Variants in NBN observed in about 807,000 individuals in gnomAD.
NBN encodes the protein nibrin.
Under a neutral mutation model 90.8 loss-of-function variants are expected in NBN, and 88 were observed. The ratio of observed to expected loss-of-function variants is 0.97; its 90% CI spans 0.82 to 1.16. The LOEUF (loss-of-function observed/expected upper bound fraction) is 1.16. NBN is among the 50% of genes most tolerant of loss of function. The pLI, the probability that NBN is intolerant of heterozygous loss-of-function variation, is 0.00. For synonymous variants in NBN, 328 were observed against 295.1 expected, an observed-to-expected ratio of 1.11 and a Z score of -1.14; for missense variants, 894 against 869.6, an observed-to-expected ratio of 1.03 and a Z score of -0.35.
chr8:89,984,632 G>A lies in NBN; in HGVS notation c.-71C>T, dbSNP rs566338801. ...GGGGCTGCTAGACGAGCGCGGATAC[G>A]GCGCCTGCGGTCGGCATGGGCTCCG... On this transcript the variant is annotated 5_prime_UTR_variant, in exon 1 of 16. Transcript: ENST00000265433. 4 of 1,591,864 alleles carry A rather than the reference G, an allele frequency of 2.5e-6. No homozygotes were observed. In the African/African-American group the frequency reaches 5.4e-5, roughly 21 times the overall value.
chr8:89,959,596 TA>T (rs1028767400), intron 8 of NBN, among the ~76,000 whole-genome samples: 1 of 151,314 alleles, frequency 6.6e-6, no homozygotes, highest in Non-Finnish European at 1.5e-5. Flanking sequence ...CTACAAAAAT[TA>T]AAAAAAACTT....
chr8:89,947,980 T>A, intron 11 of NBN, 88 bp from the exon 12 acceptor site: 1 of 756,446 alleles, frequency 1.3e-6, no homozygotes, highest in Non-Finnish European at 2.2e-6. Flanking sequence ...TAAGATGAAG[T>A]GTAAAATGGT....
intron 12 of NBN, 43 bp from the exon 13 acceptor site, chr8:89,946,338 A>T: frequency 2.0e-6 from 3 of 1,512,216 alleles, no homozygotes; most frequent in Non-Finnish European, 2.7e-6. Context: ...GAGAAGAAAT[A>T]ACAAAGAAAA....
Position 89,934,948 on chromosome 8 carries a change from A to G in NBN, c.*634T>C, listed in dbSNP as rs1373978677. 4.3e-6 allele frequency: 1 copy of G among 232,888 alleles called. No homozygotes were observed. Among genetic ancestry groups the G allele is most frequent in the Non-Finnish European group, 8.5e-6 (1 of 117,890 alleles). 14.4% of individuals were successfully genotyped at this position (232,888 alleles called of 1,614,324 possible). A position where few individuals can be genotyped will look rare whatever the true frequency, so the allele number is the denominator to read the frequency against. Reference sequence around the variant, plus strand: ...TAAACCCATGTTTGATGAAGTCTCCACATGGTCTTCAGTTTCTAGTACTAG... The same window carrying G: ...TAAACCCATGTTTGATGAAGTCTCCGCATGGTCTTCAGTTTCTAGTACTAG... On this transcript the variant is annotated 3_prime_UTR_variant, in exon 16 of 16. Transcript: ENST00000265433.
intron 11 of NBN, among the ~76,000 whole-genome samples, chr8:89,949,793 C>T (rs1017604210): frequency 6.6e-6 from 1 of 152,030 alleles, no homozygotes; most frequent in Non-Finnish European, 1.5e-5. Flanking sequence ...TTCAAAAAAT[C>T]GCCAAAAAAA....
intron 5 of NBN, among the ~76,000 whole-genome samples, 198 bp downstream of exon 5, chr8:89,978,020 CAG>C (rs1227657921): frequency 6.6e-6 from 1 of 152,086 alleles, no homozygotes; most frequent in Non-Finnish European, 1.5e-5. Context: ...ACATTTGTTT[CAG>C]AGATACAGAA....
At chr8:89,981,636 C>T in intron 2 of NBN, 113 bp from the exon 3 acceptor site, 1 of 1,066,688 alleles carries the variant, frequency 9.4e-7, no homozygotes, top group Non-Finnish European at 1.4e-6. Flanking sequence ...CCCAACACGG[C>T]AGACAACAAT....
rs1809542046 is a variant in NBN at position 89,933,799 on chromosome 8, GC to G, written c.*1782del. 1 of 232,358 alleles carries G rather than the reference GC, an allele frequency of 4.3e-6. No individual in the cohort carries two copies. The highest frequency in any genetic ancestry group is 2.2e-5 in the African/African-American group (1 of 45,300). The allele number at this position is 232,358 out of a possible 1,614,324, so 14.4% of individuals were successfully genotyped here. On this transcript the variant is annotated 3_prime_UTR_variant, in exon 16 of 16. Transcript: ENST00000265433. ...CAAAAGACATAAAGAAAACAGTCAA[GC>G]CACAGACTAGGTGTAATATCTCAAT...
intron 9 of NBN, among the ~76,000 whole-genome samples, chr8:89,955,995 A>T (rs1221798279): frequency 6.6e-6 from 1 of 151,814 alleles, no homozygotes; most frequent in Non-Finnish European, 1.5e-5. Flanking sequence ...AATCAGAATA[A>T]AATCACATAT....
chr8:89,982,948 G>T, intron 1 of NBN, 93 bp from the exon 2 acceptor site: 1 of 1,286,100 alleles, frequency 7.8e-7, no homozygotes, highest in Non-Finnish European at 1.1e-6. Flanking sequence ...TATGATATAG[G>T]TATGACAAAT....
chr8:89,963,603 T>C (rs1811101981), intron 8 of NBN, among the ~76,000 whole-genome samples: 1 of 152,130 alleles, frequency 6.6e-6, no homozygotes, highest in South Asian at 2.1e-4. Context: ...TTTTAACTAA[T>C]AAAGGGGAAA....
intron 5 of NBN, among the ~76,000 whole-genome samples, chr8:89,976,635 C>T (rs1020341068): frequency 2.2e-4 from 33 of 152,204 alleles, no homozygotes; most frequent in South Asian, 1.0e-3. Context: ...CTCTTTACAG[C>T]ACCCTCCTCA....
Position 89,955,324 on chromosome 8 carries a change from G to C in NBN, c.1356C>G (p.Thr452=). 1.2e-6 allele frequency: 2 copies of C among 1,613,578 alleles called. No homozygotes were observed. The highest frequency in any genetic ancestry group is 1.1e-5 in the South Asian group (1 of 91,048). Residue 452 remains threonine (T), a synonymous_variant, in exon 10 of 16, where the codon ACC becomes ACG. Coordinates refer to ENST00000265433, the MANE Select transcript of NBN (RefSeq NM_002485.5). ...SKDRASQQQQ[T]NSIRNYFQPS... The stretch of plus-strand genomic sequence containing the variant: ...GCTGAAAGTAGTTTCTGATGGAGTT[G>C]GTCTGCTGCTGCTGAGAAGCCCTAT...
Position 89,946,194 on chromosome 8 carries a change from T to A in NBN, c.2016A>T (p.Pro672=). The change falls in exon 13 of 16, where the codon CCA becomes CCT. Residue 672 remains proline, a synonymous_variant. Transcript: ENST00000265433. ...LVIKNSTSRN[P]SGINDDYGQL... is the part of the protein sequence containing the mutation. ...GACCATAATCATCATTTATGCCAGA[T>A]GGATTTCTGGAAGTAGAGTTTTTAA... 1 of 1,600,654 alleles carries A rather than the reference T, an allele frequency of 6.2e-7. No individual in the cohort carries two copies. Among genetic ancestry groups the A allele is most frequent in the Non-Finnish European group, 8.6e-7 (1 of 1,168,510 alleles).
intron 8 of NBN, among the ~76,000 whole-genome samples, chr8:89,964,085 C>T (rs1811125300): frequency 6.6e-6 from 1 of 152,196 alleles, no homozygotes; most frequent in African/African-American, 2.4e-5. Flanking sequence ...ATCACTATTA[C>T]ATACATCACC....
intron 9 of NBN, among the ~76,000 whole-genome samples, chr8:89,957,527 A>G (rs966578848): frequency 1.3e-5 from 2 of 152,202 alleles, no homozygotes; most frequent in African/African-American, 4.8e-5. Context: ...TGTAGTGCTA[A>G]TAAGGCAACA....
At position 89,980,858 on chromosome 8, in the gene NBN, C is replaced by A. The variant is rs749272832; in HGVS notation, c.356G>T (p.Cys119Phe). ...AGCAGTTTTCCCAGAGACATCTAAA[C>A]AAGAAGAGCATGCAACCAAAGGCTC... ...EYEPLVACSS[C>F]LDVSGKTALN... is the part of the protein sequence containing the mutation. Residue 119 changes from cysteine to phenylalanine, a missense_variant, in exon 4 of 16, where the codon TGT becomes TTT. Transcript: ENST00000265433. 1 of 1,612,440 alleles carries A rather than the reference C, an allele frequency of 6.2e-7. No homozygotes were observed.
At position 89,947,916 on chromosome 8, in the gene NBN, C is replaced by T. The variant is rs759696848; in HGVS notation, c.1846-24G>A. The stretch of plus-strand genomic sequence containing the variant: ...TGCTAAAGAAATAAAATAAAAAATA[C>T]TGTTCATAGGAGTAATAAAATGGTA... On this transcript the variant is annotated intron_variant, in intron 11 of 15. Coordinates refer to ENST00000265433, the MANE Select transcript of NBN (RefSeq NM_002485.5). 20 of 1,405,210 alleles carry T rather than the reference C, an allele frequency of 1.4e-5. No homozygotes were observed. The South Asian group carries it at 2.2e-4, about 15-fold the overall frequency. 87.0% of individuals were successfully genotyped at this position (1,405,210 alleles called of 1,614,324 possible).
rs561077201 is a variant in NBN, at chr8:89,953,708, A to G, written c.1398-17T>C. On this transcript the variant is annotated splice_polypyrimidine_tract_variant and intron_variant, in intron 10 of 15. Coordinates refer to ENST00000265433, the MANE Select transcript of NBN (RefSeq NM_002485.5). ...TCCCTTTCCCTTAGATTTAAAAAAA[A>G]AGAAGAAAACAAAACAAGAAAATGA... The G allele has an allele frequency of 1.3e-6, 2 of 1,589,466 alleles. No individual in the cohort carries two copies. The highest frequency in any genetic ancestry group is 1.1e-5 in the South Asian group (1 of 89,068).
Sources: gnomAD v4.1 joint callset for allele counts (sites outside exome capture counted in the v4.1 genomes callset) on GRCh38, gnomAD v4.1.1 for gene constraint, MANE v1.5 for transcripts, NCBI Gene and HGNC (gene_info 2026-07-23, HGNC 2026-07-21) for gene names.